Variants in ZC3H7B observed in about 807,000 individuals in gnomAD.
The protein encoded by ZC3H7B is zinc finger CCCH domain-containing protein 7B.
A neutral mutation model predicts 116.0 loss-of-function variants in ZC3H7B; 35 were observed. The observed-to-expected ratio is 0.30, with a 90% confidence interval of 0.23 to 0.40. ZC3H7B has a LOEUF of 0.40. ZC3H7B is among the 10% of genes least tolerant of loss of function. The pLI, the probability that ZC3H7B is intolerant of heterozygous loss-of-function variation, is 1.00. For synonymous variants in ZC3H7B, 502 were observed against 545.6 expected (o/e 0.92, Z 1.11); for missense variants, 1,011 against 1,321.5 (o/e 0.77, Z 3.64).
intron 1 of ZC3H7B, among the ~76,000 whole-genome samples, chr22:41,318,390 G>A (rs1326467624): frequency 6.6e-6 from 1 of 152,070 alleles, no homozygotes; most frequent in African/African-American, 2.4e-5. Flanking sequence ...TTAGCCGGGT[G>A]TGGTGGCAGG....
At chr22:41,322,636 G>T (rs1170553954) in intron 2 of ZC3H7B, among the ~76,000 whole-genome samples, 1 of 152,048 alleles carries the variant, frequency 6.6e-6, no homozygotes, top group Non-Finnish European at 1.5e-5. Context: ...ACTTGCACGA[G>T]CCCCTTCCGA....
At chr22:41,317,324 G>C (rs2145905815) in intron 1 of ZC3H7B, among the ~76,000 whole-genome samples, 1 of 152,216 alleles carries the variant, frequency 6.6e-6, no homozygotes, top group South Asian at 2.1e-4. Flanking sequence ...CCCCATTCCT[G>C]GGCAACAGCC....
At chr22:41,332,066 A>G in intron 6 of ZC3H7B, 105 bp from the exon 7 acceptor site, 1 of 1,240,660 alleles carries the variant, frequency 8.1e-7, no homozygotes. Flanking sequence ...GGCGCTGCAG[A>G]CCCCAGCTGC....
At position 41,343,436 on chromosome 22, in the gene ZC3H7B, C is replaced by G. The variant is rs1351839582; in HGVS notation, c.1319C>G (p.Thr440Ser). The G allele has an allele frequency of 1.9e-6, 3 of 1,613,258 alleles. No individual in the cohort carries two copies. The highest frequency in any genetic ancestry group is 1.7e-6 in the Non-Finnish European group (2 of 1,179,450). ...ATAGGCCCCCGGGCTGGCGACTACACCTACCGTGAGGGCCTTGAGCACAAG... is the reference window on the plus strand; with the variant it reads ...ATAGGCCCCCGGGCTGGCGACTACAGCTACCGTGAGGGCCTTGAGCACAAG... ...PKTGPRAGDY[T>S]YREGLEHKCK... The change falls in exon 13 of 23, where the codon ACC becomes AGC. Residue 440 changes from threonine (T) to serine (S), a missense_variant. Thr to Ser is a moderately conservative substitution (Grantham distance 58, BLOSUM62 1). Coordinates refer to ENST00000352645, the MANE Select transcript of ZC3H7B (RefSeq NM_017590.6).
Position 41,302,592 on chromosome 22 carries a change from G to A in ZC3H7B, c.-7+820G>A, listed in dbSNP as rs2035983386. The stretch of plus-strand genomic sequence containing the variant: ...CCGGCCTCATACCCCCATCCTGCCC[G>A]CTGCGAACCTCAGGGCCCCCCTCCG... On this transcript the variant is annotated intron_variant, in intron 1 of 22. Transcript: ENST00000352645. The surrounding 1 kb of genome is among the most constrained non-coding windows in gnomAD (Gnocchi z 5.7). 6.6e-6 allele frequency among the ~76,000 whole-genome samples: 1 copy of A among 152,140 alleles called. No homozygotes were observed. Among genetic ancestry groups the A allele is most frequent in the African/African-American group, 2.4e-5 (1 of 41,434 alleles).
Position 41,325,598 on chromosome 22 carries a change from G to A in ZC3H7B, c.87+1G>A. On this transcript the variant is annotated splice_donor_variant, in intron 3 of 22. Transcript: ENST00000352645. LOFTEE classifies it high-confidence loss of function. The stretch of plus-strand genomic sequence containing the variant: ...ACCCCTAAAGCAAGAAGAATATGAG[G>A]TGAGTGTCAGCTGCCAGGCTGAGCA... 1.2e-6 allele frequency: 2 copies of A among 1,611,884 alleles called. No homozygotes were observed. Among genetic ancestry groups the A allele is most frequent in the Non-Finnish European group, 1.7e-6 (2 of 1,179,154 alleles).
intron 16 of ZC3H7B, among the ~76,000 whole-genome samples, chr22:41,350,951 G>T (rs546506444): frequency 6.6e-6 from 1 of 152,202 alleles, no homozygotes; most frequent in African/African-American, 2.4e-5. Context: ...GATGGAGAGC[G>T]CTGAAAAGAG....
intron 1 of ZC3H7B, among the ~76,000 whole-genome samples, chr22:41,317,753 C>T (rs1165952150): frequency 6.6e-6 from 1 of 152,042 alleles, no homozygotes; most frequent in Non-Finnish European, 1.5e-5. Flanking sequence ...CACTGCACTC[C>T]ATCCTGGGCA....
In ZC3H7B at chr22:41,339,047, G is replaced by A. The variant is rs765935464; in HGVS notation, c.672G>A (p.Thr224=). The A allele has an allele frequency of 3.7e-6, 6 of 1,605,840 alleles. No individual in the cohort carries two copies. Among genetic ancestry groups the A allele is most frequent in the South Asian group, 1.1e-5 (1 of 89,804 alleles). Residue 224 remains threonine (T), a synonymous_variant, in exon 9 of 23, where the codon ACG becomes ACA. Coordinates refer to ENST00000352645, the MANE Select transcript of ZC3H7B (RefSeq NM_017590.6). ...PRGSPALLPS[T]PTMPLFPHVL... Reference sequence around the variant, plus strand: ...GCTCCCCAGCCCTTCTCCCCTCCACGCCCACGATGCCCCTGTTCCCTCACG... The same window carrying A: ...GCTCCCCAGCCCTTCTCCCCTCCACACCCACGATGCCCCTGTTCCCTCACG...
At chr22:41,340,200 TGG>T in intron 10 of ZC3H7B, 63 bp downstream of exon 10, 1 of 1,495,260 alleles carries the variant, frequency 6.7e-7, no homozygotes, top group Non-Finnish European at 9.0e-7. Flanking sequence ...GTGGCCTCTT[TGG>T]TGCCTGGAGA....
intron 17 of ZC3H7B, among the ~76,000 whole-genome samples, chr22:41,355,188 G>A (rs923393925): frequency 3.3e-5 from 5 of 152,210 alleles, no homozygotes; most frequent in Admixed American, 1.3e-4. Context: ...GTGGCGGAAC[G>A]GAGCTTTGCC....
chr22:41,332,145 G>T (rs1453483459), intron 6 of ZC3H7B, 26 bp from the exon 7 acceptor site: 2 of 1,613,662 alleles, frequency 1.2e-6, no homozygotes, highest in Non-Finnish European at 1.7e-6. Flanking sequence ...CTTTACCTCT[G>T]CCCACCTCTC....
Position 41,339,801 on chromosome 22 carries a change from G to T in ZC3H7B, c.817-15G>T. On this transcript the variant is annotated splice_polypyrimidine_tract_variant and intron_variant, in intron 9 of 22. Transcript: ENST00000352645. The stretch of plus-strand genomic sequence containing the variant: ...CTGTTTTCCTCTGACCCCTCCCTCT[G>T]TCCCTGCCTCATAGTCTCTGGTCCA... The T allele has an allele frequency of 6.3e-7, 1 of 1,575,380 alleles. No individual in the cohort carries two copies.
At position 41,357,533 on chromosome 22, in the gene ZC3H7B, C is replaced by A; in HGVS notation, c.*104C>A. ...CAGGCCAGGGGGGTGGGGGGCCGCC[C>A]TCATCAGGCAGCCCCCAGCCCCCTG... is the stretch of plus-strand genomic sequence containing the variant. On this transcript the variant is annotated 3_prime_UTR_variant, in exon 23 of 23. Coordinates refer to ENST00000352645, the MANE Select transcript of ZC3H7B (RefSeq NM_017590.6). The surrounding 1 kb of genome is among the most constrained non-coding windows in gnomAD (Gnocchi z 5.4). 1.1e-6 allele frequency: 1 copy of A among 911,136 alleles called. No individual in the cohort carries two copies. Among genetic ancestry groups the A allele is most frequent in the Non-Finnish European group, 1.6e-6 (1 of 634,364 alleles). 56.4% of individuals were successfully genotyped at this position (911,136 alleles called of 1,614,324 possible). A position where few individuals can be genotyped will look rare whatever the true frequency, so the allele number is the denominator to read the frequency against.
Position 41,342,449 on chromosome 22 carries a change from C to T in ZC3H7B, c.1198-80C>T. The T allele has an allele frequency of 4.3e-6, 6 of 1,388,128 alleles. No homozygotes were observed. In the South Asian group the frequency reaches 4.7e-5, roughly 11 times the overall value. The allele number at this position is 1,388,128 out of a possible 1,614,324, so 86.0% of individuals were successfully genotyped here. A position where few individuals can be genotyped will look rare whatever the true frequency, so the allele number is the denominator to read the frequency against. On this transcript the variant is annotated intron_variant, in intron 11 of 22. Transcript: ENST00000352645. ...GGATAGGGGGGTCATAGAGCACTCC[C>T]CACTTCTGGTGCCCTGGCTGGCCCC... is the stretch of plus-strand genomic sequence containing the variant.
At chr22:41,355,700 G>T in intron 18 of ZC3H7B, 57 bp from the exon 19 acceptor site, 1 of 1,612,468 alleles carries the variant, frequency 6.2e-7, no homozygotes, top group Non-Finnish European at 8.5e-7. Flanking sequence ...CTCCACAGAG[G>T]TCACACAGCA....
At chr22:41,343,308 G>T (rs1311368105) in intron 12 of ZC3H7B, 107 bp from the exon 13 acceptor site, 2 of 1,405,174 alleles carry the variant, frequency 1.4e-6, no homozygotes, top group East Asian at 2.4e-5. Flanking sequence ...CAGAGGGGAG[G>T]TAGGTATATA....
intron 1 of ZC3H7B, among the ~76,000 whole-genome samples, chr22:41,305,766 G>A (rs117674694): frequency 0.014 from 2,148 of 152,276 alleles, 24 homozygotes; most frequent in Non-Finnish European, 0.025. Flanking sequence ...TGCCGGCCCA[G>A]CACCCTGGAG....
intron 4 of ZC3H7B, 122 bp downstream of exon 4, chr22:41,326,040 T>C (rs2036313618): frequency 1.7e-6 from 2 of 1,155,084 alleles, no homozygotes; most frequent in African/African-American, 3.1e-5. Context: ...CAGCCTGCTT[T>C]CAGAATTTCA....
Sources: gnomAD v4.1 joint callset for allele counts (sites outside exome capture counted in the v4.1 genomes callset) on GRCh38, gnomAD v4.1.1 for gene constraint, Gnocchi (gnomAD v3.1) non-coding constraint, MANE v1.5 for transcripts, NCBI Gene and HGNC (gene_info 2026-07-23, HGNC 2026-07-21) for gene names.